Variants in PDE4D observed in about 807,000 individuals in gnomAD.
The protein encoded by PDE4D is phosphodiesterase 4D, also known as 3',5'-cyclic-AMP phosphodiesterase 4D.
A neutral mutation model predicts 87.4 loss-of-function variants in PDE4D; 24 were observed. The ratio of observed to expected loss-of-function variants is 0.27; its 90% confidence interval spans 0.20 to 0.39. The LOEUF (loss-of-function observed/expected upper bound fraction) is 0.39. PDE4D is among the 10% of genes least tolerant of loss of function. PDE4D has a pLI of 1.00. For missense variants in PDE4D, 714 were observed against 1,041.0 expected (o/e 0.69, Z 4.32); for synonymous variants, 384 against 383.2 (o/e 1.00, Z -0.02).
chr5:59,240,594 CAAGTA>C (rs1757438565), intron 1 of PDE4D, among the ~76,000 whole-genome samples: 1 of 152,140 alleles, frequency 6.6e-6, no homozygotes, highest in African/African-American at 2.4e-5. Flanking sequence ...GTTGATAACA[CAAGTA>C]TAGTATCCCA....
intron 1 of PDE4D, among the ~76,000 whole-genome samples, chr5:59,301,421 T>C (rs1040051659): frequency 1.3e-5 from 2 of 151,420 alleles, no homozygotes; most frequent in African/African-American, 4.9e-5. Context: ...TATGTCCAAA[T>C]GGCTCTTGAA....
intron 5 of PDE4D, among the ~76,000 whole-genome samples, chr5:59,061,179 G>T (rs546690192): frequency 8.6e-5 from 13 of 151,872 alleles, no homozygotes; most frequent in Non-Finnish European, 1.6e-4. Flanking sequence ...TCCATGATTT[G>T]TCATCTAAAG....
intron 1 of PDE4D, among the ~76,000 whole-genome samples, chr5:60,258,773 T>A (rs1474743339): frequency 1.3e-5 from 2 of 151,978 alleles, no homozygotes; most frequent in African/African-American, 2.4e-5. Flanking sequence ...AAGACTTCTA[T>A]GATTTTAAAA....
chr5:59,111,564 A>G (rs1179741406), intron 5 of PDE4D, among the ~76,000 whole-genome samples: 2 of 147,914 alleles, frequency 1.4e-5, no homozygotes, highest in African/African-American at 2.6e-5. Context: ...TTGTTTTGAG[A>G]AAAAAAAAGC....
intron 1 of PDE4D, among the ~76,000 whole-genome samples, chr5:60,321,132 A>G (rs987335319): frequency 3.3e-5 from 5 of 152,228 alleles, no homozygotes; most frequent in African/African-American, 7.2e-5. Context: ...GAGGCATCGT[A>G]TTATCTGACT....
At chr5:60,439,558 C>A (rs1745027542) in intron 1 of PDE4D, among the ~76,000 whole-genome samples, 1 of 152,108 alleles carries the variant, frequency 6.6e-6, no homozygotes, top group South Asian at 2.1e-4. Context: ...TATATGAAAC[C>A]TTCTTTCATC....
intron 2 of PDE4D, among the ~76,000 whole-genome samples, chr5:60,076,727 A>G (rs969130742): frequency 3.9e-5 from 6 of 152,174 alleles, no homozygotes; most frequent in Admixed American, 3.3e-4. Context: ...ACTGTTGGTC[A>G]CAACACTCTG....
At chr5:59,836,646 C>CTATCTATATATA (rs1348624537) in intron 1 of PDE4D, among the ~76,000 whole-genome samples, 4 of 151,584 alleles carry the variant, frequency 2.6e-5, no homozygotes, top group African/African-American at 9.7e-5. Context: ...ATCTATCTAT[C>CTATCTATATATA]TATCTATCTA....
At chr5:59,042,907 GAAAAAGGA>G (rs1759930640) in intron 5 of PDE4D, among the ~76,000 whole-genome samples, 1 of 152,004 alleles carries the variant, frequency 6.6e-6, no homozygotes, top group South Asian at 2.1e-4. Flanking sequence ...GCTTCCTTTT[GAAAAAGGA>G]AAAAAGTAAT....
At chr5:59,971,424 C>G (rs1760754621) in intron 3 of PDE4D, among the ~76,000 whole-genome samples, 1 of 151,546 alleles carries the variant, frequency 6.6e-6, no homozygotes, top group South Asian at 2.1e-4. Context: ...GAGGAAGAGA[C>G]AGAGAGAGAA....
At chr5:59,483,493 C>G (rs1272293657) in intron 1 of PDE4D, among the ~76,000 whole-genome samples, 3 of 152,058 alleles carry the variant, frequency 2.0e-5, no homozygotes, top group Admixed American at 6.6e-5. Context: ...GAGACTGAAA[C>G]TTTTTATTTT....
chr5:60,157,632 T>C (rs1168705707), intron 2 of PDE4D, among the ~76,000 whole-genome samples: 2 of 152,168 alleles, frequency 1.3e-5, no homozygotes, highest in African/African-American at 4.8e-5. Flanking sequence ...TTCTCTTAAA[T>C]TGTGATCCAA....
At chr5:60,283,609 C>A (rs538606558) in intron 1 of PDE4D, among the ~76,000 whole-genome samples, 5 of 152,078 alleles carry the variant, frequency 3.3e-5, no homozygotes, top group Non-Finnish European at 7.4e-5. Flanking sequence ...ACAATTACTG[C>A]GAAGTTACAT....
At chr5:59,998,556 T>G (rs1483314092) in intron 2 of PDE4D, among the ~76,000 whole-genome samples, 1 of 152,160 alleles carries the variant, frequency 6.6e-6, no homozygotes, top group Non-Finnish European at 1.5e-5. Context: ...CTATACAACT[T>G]TTCCAAGACT....
At chr5:59,715,990 C>A (rs1754963059) in intron 1 of PDE4D, among the ~76,000 whole-genome samples, 2 of 152,116 alleles carry the variant, frequency 1.3e-5, no homozygotes, top group South Asian at 2.1e-4. Context: ...CCTGTGTGTC[C>A]AGGGCCTTTG....
chr5:59,792,767 A>C (rs1336895546), intron 1 of PDE4D, among the ~76,000 whole-genome samples: 2 of 152,202 alleles, frequency 1.3e-5, no homozygotes, highest in Non-Finnish European at 2.9e-5. Flanking sequence ...CTGGGGAAGA[A>C]ACAGAACAAA....
intron 2 of PDE4D, among the ~76,000 whole-genome samples, chr5:60,069,243 G>A (rs191366552): frequency 5.9e-5 from 9 of 152,244 alleles, no homozygotes; most frequent in Admixed American, 2.0e-4. Context: ...ATTAGGAGAC[G>A]GGGACTTACA....
At chr5:59,260,436 G>C (rs1022563934) in intron 1 of PDE4D, among the ~76,000 whole-genome samples, 2 of 151,804 alleles carry the variant, frequency 1.3e-5, no homozygotes, top group Admixed American at 1.3e-4. Flanking sequence ...TGCATGTGTA[G>C]TTACATTTCC....
intron 3 of PDE4D, among the ~76,000 whole-genome samples, chr5:59,948,064 G>A (rs1414479537): frequency 6.6e-6 from 1 of 152,168 alleles, no homozygotes; most frequent in Non-Finnish European, 1.5e-5. Context: ...TTGATATACT[G>A]ATATACTCTC....
Sources: allele counts gnomAD v4.1 joint callset (sites outside exome capture counted in the v4.1 genomes callset), GRCh38; gene constraint gnomAD v4.1.1; transcripts MANE v1.5; gene names NCBI Gene and HGNC (gene_info 2026-07-23, HGNC 2026-07-21).